KIF16B: variants seen among roughly 807,000 people sequenced by gnomAD.
KIF16B encodes the protein kinesin-like protein KIF16B.
In KIF16B, 98 loss-of-function variants were observed where a neutral mutation model predicts 156.3. The observed-to-expected ratio is 0.63, with a 90% CI of 0.53 to 0.74. The LOEUF is 0.74. Among genes scored for constraint, KIF16B ranks in the 30% least tolerant of loss-of-function variants. KIF16B has a pLI of 0.00. For missense variants in KIF16B, 1,421 were observed against 1,606.5 expected (o/e 0.88, Z 1.97); for synonymous variants, 564 against 583.7 (o/e 0.97, Z 0.49).
intron 1 of KIF16B, among the ~76,000 whole-genome samples, chr20:16,568,220 G>A (rs1220513605): frequency 1.3e-5 from 2 of 151,698 alleles, no homozygotes; most frequent in East Asian, 3.9e-4. Context: ...TACCTGAGAG[G>A]CTAATCAGGA....
intron 24 of KIF16B, among the ~76,000 whole-genome samples, chr20:16,315,694 C>A (rs2063687551): frequency 6.6e-6 from 1 of 152,044 alleles, no homozygotes; most frequent in Non-Finnish European, 1.5e-5. Context: ...GCTGGAGCTC[C>A]CCAGAAGTCC....
chr20:16,325,558 GAAAA>G (rs56094995), intron 24 of KIF16B, among the ~76,000 whole-genome samples: 4 of 145,334 alleles, frequency 2.8e-5, no homozygotes, highest in Non-Finnish European at 4.6e-5. Flanking sequence ...TACAATAGCT[GAAAA>G]AAAAAAAAAA....
intron 25 of KIF16B, among the ~76,000 whole-genome samples, chr20:16,304,979 G>A (rs780510288): frequency 5.9e-5 from 9 of 152,092 alleles, no homozygotes; most frequent in Non-Finnish European, 1.3e-4. Context: ...TGGTGGTGGT[G>A]GTGATATATC....
chr20:16,568,489 G>A (rs140196405), intron 1 of KIF16B, among the ~76,000 whole-genome samples: 215 of 152,248 alleles, frequency 1.4e-3, no homozygotes, highest in African/African-American at 4.7e-3. Context: ...ATCCACATGC[G>A]TTATCTCACT....
chr20:16,368,162 G>A, intron 22 of KIF16B: 2 of 1,099,578 alleles, frequency 1.8e-6, no homozygotes, highest in South Asian at 3.1e-5. Context: ...GGGCACTCTT[G>A]CAGTTTCAGC....
At chr20:16,421,940 C>A (rs2066236513) in intron 15 of KIF16B, among the ~76,000 whole-genome samples, 1 of 152,058 alleles carries the variant, frequency 6.6e-6, no homozygotes, top group South Asian at 2.1e-4. Context: ...CGACAATTAA[C>A]CTTCAATGCC....
intron 24 of KIF16B, among the ~76,000 whole-genome samples, chr20:16,320,961 A>T (rs1220946087): frequency 6.6e-6 from 1 of 152,202 alleles, no homozygotes; most frequent in East Asian, 1.9e-4. Flanking sequence ...TTTGAAGTTC[A>T]GCAATTTCTT....
At chr20:16,297,577 T>C (rs958659762) in intron 25 of KIF16B, among the ~76,000 whole-genome samples, 7 of 151,436 alleles carry the variant, frequency 4.6e-5, no homozygotes, top group Non-Finnish European at 7.4e-5. Flanking sequence ...GCACCTGTAG[T>C]CCCAGCTTCT....
intron 25 of KIF16B, among the ~76,000 whole-genome samples, chr20:16,297,742 C>T (rs1307797731): frequency 2.0e-5 from 3 of 151,546 alleles, no homozygotes; most frequent in Non-Finnish European, 2.9e-5. Flanking sequence ...TTTTGGGTGT[C>T]CATACCAATT....
chr20:16,521,980 T>G (rs907321204), intron 3 of KIF16B, among the ~76,000 whole-genome samples: 1 of 152,160 alleles, frequency 6.6e-6, no homozygotes, highest in Non-Finnish European at 1.5e-5. Flanking sequence ...CTGAGAGATT[T>G]TGCCACCACC....
In KIF16B at chr20:16,364,709, C is replaced by T. The variant is rs541772380; in HGVS notation, c.3498+5877G>A. Among the ~76,000 whole-genome samples, 108 of 152,200 alleles carry T rather than the reference C, an allele frequency of 7.1e-4. 1 individual carries two copies. Among genetic ancestry groups the T allele is most frequent in the Admixed American group, 2.6e-4 (4 of 15,282 alleles). Reference sequence around the variant, plus strand: ...CACACAGAGGAACTATATTTTATCTCGAGGTACAAAGTATGCTTAGGTGAG... The same window carrying T: ...CACACAGAGGAACTATATTTTATCTTGAGGTACAAAGTATGCTTAGGTGAG... On this transcript the variant is annotated intron_variant, in intron 22 of 25. Coordinates refer to ENST00000354981, the MANE Select transcript of KIF16B (RefSeq NM_024704.5).
intron 1 of KIF16B, among the ~76,000 whole-genome samples, chr20:16,566,069 C>T (rs187852974): frequency 6.6e-5 from 10 of 152,340 alleles, no homozygotes; most frequent in Admixed American, 5.9e-4. Flanking sequence ...GATTTGATTT[C>T]TTCGGTATAT....
chr20:16,469,065 C>T (rs2067579756), intron 12 of KIF16B, among the ~76,000 whole-genome samples: 1 of 151,914 alleles, frequency 6.6e-6, no homozygotes, highest in Non-Finnish European at 1.5e-5. Context: ...GCAGCCTGGG[C>T]AACATAGTGT....
intron 12 of KIF16B, among the ~76,000 whole-genome samples, chr20:16,466,584 A>G (rs867854317): frequency 6.6e-6 from 1 of 152,198 alleles, no homozygotes; most frequent in Non-Finnish European, 1.5e-5. Flanking sequence ...GCCATGTAAG[A>G]CGTGACTTTG....
chr20:16,339,379 C>T (rs1266505319), intron 23 of KIF16B, among the ~76,000 whole-genome samples: 1 of 152,166 alleles, frequency 6.6e-6, no homozygotes, highest in African/African-American at 2.4e-5. Flanking sequence ...GATTTCTCAT[C>T]TCCCTGACTT....
At chr20:16,529,300 G>A (rs2069662001) in intron 1 of KIF16B, among the ~76,000 whole-genome samples, 1 of 152,100 alleles carries the variant, frequency 6.6e-6, no homozygotes, top group Non-Finnish European at 1.5e-5. Context: ...CGATAAAAAT[G>A]ATTTATGCAA....
At chr20:16,374,456 G>A (rs749031112) in intron 19 of KIF16B, 47 bp from the exon 20 acceptor site, 46 of 1,448,658 alleles carry the variant, frequency 3.2e-5, no homozygotes, top group East Asian at 3.2e-4. Flanking sequence ...AGTATTTCCC[G>A]AGCATCCTTA....
chr20:16,385,433 C>T (rs773988365), intron 17 of KIF16B, among the ~76,000 whole-genome samples: 1 of 152,116 alleles, frequency 6.6e-6, no homozygotes, highest in Non-Finnish European at 1.5e-5. Flanking sequence ...GAAGGCAGAA[C>T]ATAACTACAA....
chr20:16,324,163 A>T (rs1288264367), intron 24 of KIF16B, among the ~76,000 whole-genome samples: 2 of 152,058 alleles, frequency 1.3e-5, no homozygotes, highest in Non-Finnish European at 2.9e-5. Flanking sequence ...GCAGAGACAG[A>T]CATGACAGGA....
Sources: allele counts gnomAD v4.1 joint callset (sites outside exome capture counted in the v4.1 genomes callset), GRCh38; gene constraint gnomAD v4.1.1; transcripts MANE v1.5; gene names NCBI Gene and HGNC (gene_info 2026-07-23, HGNC 2026-07-21).